The following ARMC2 variants were observed in gnomAD, a reference collection of about 807,000 sequenced individuals.
ARMC2 encodes armadillo repeat-containing protein 2.
A neutral mutation model predicts 90.3 loss-of-function variants in ARMC2; 67 were observed. The observed-to-expected ratio is 0.74, with a 90% CI of 0.61 to 0.91. The LOEUF (loss-of-function observed/expected upper bound fraction) is 0.91. Among genes scored for constraint, ARMC2 ranks in the 40% least tolerant of loss-of-function variants. The pLI is 0.00. For missense variants in ARMC2, 920 were observed against 1,030.9 expected (o/e 0.89, Z 1.47); for synonymous variants, 393 against 393.0 (o/e 1.00, Z 0.00).
chr6:108,957,087 G>A (rs752647122), intron 13 of ARMC2, among the ~76,000 whole-genome samples: 9 of 152,366 alleles, frequency 5.9e-5, no homozygotes, highest in Admixed American at 1.3e-4. Context: ...ATATGAGGTT[G>A]AGCAGAAGTG....
At chr6:108,902,778 T>C (rs534334430) in intron 7 of ARMC2, among the ~76,000 whole-genome samples, 25 of 152,318 alleles carry the variant, frequency 1.6e-4, no homozygotes, top group African/African-American at 5.8e-4. Context: ...TTAAATTTCA[T>C]GAAGGAATCT....
At chr6:108,849,893 T>G (rs970169538) in intron 1 of ARMC2, among the ~76,000 whole-genome samples, 1 of 152,248 alleles carries the variant, frequency 6.6e-6, no homozygotes, top group African/African-American at 2.4e-5. Flanking sequence ...TAGTCCAGCA[T>G]CTAAGCACTT....
chr6:108,895,556 G>GC (rs1771522710), intron 6 of ARMC2, among the ~76,000 whole-genome samples: 1 of 151,584 alleles, frequency 6.6e-6, no homozygotes, highest in Non-Finnish European at 1.5e-5. Flanking sequence ...CGTCCTTTGG[G>GC]CCTTTAAAGT....
chr6:108,957,367 C>T (rs538266215), intron 13 of ARMC2, among the ~76,000 whole-genome samples: 3 of 152,168 alleles, frequency 2.0e-5, no homozygotes, highest in South Asian at 2.1e-4. Context: ...TTGTCTGTGT[C>T]GGTGTGGAGT....
intron 1 of ARMC2, chr6:108,848,882 C>T (rs1773714475): frequency 1.3e-5 from 2 of 152,180 alleles, no homozygotes; most frequent in Admixed American, 6.5e-5. Flanking sequence ...TGTGTGTCCT[C>T]GGATGGGGTA....
chr6:108,920,396 T>C lies in ARMC2; in HGVS notation c.1351-7692T>C, dbSNP rs542870629. On this transcript the variant is annotated intron_variant, in intron 10 of 17. Transcript: ENST00000392644. ...GGGAAGGAGACAGCTATTTTCTACT[T>C]ATGGGGCTTCCTTCCTATAAAAGAA... Among the ~76,000 whole-genome samples, 241 of 152,226 alleles carry C rather than the reference T, an allele frequency of 1.6e-3. 1 individual carries two copies. The highest frequency in any genetic ancestry group is 5.5e-3 in the African/African-American group (229 of 41,526).
chr6:108,984,587 C>A, the ARMC2 span, among the ~76,000 whole-genome samples: 1 of 152,182 alleles, frequency 6.6e-6, no homozygotes, highest in African/African-American at 2.4e-5. Flanking sequence ...CATCAACATA[C>A]AAATGTAGGG....
intron 7 of ARMC2, among the ~76,000 whole-genome samples, chr6:108,903,501 A>G (rs1772364301): frequency 6.6e-6 from 1 of 152,152 alleles, no homozygotes; most frequent in Non-Finnish European, 1.5e-5. Context: ...CATTGTTCTC[A>G]TAGGAAAATA....
At chr6:108,991,082 C>CA in the ARMC2 span, among the ~76,000 whole-genome samples, 27 of 149,808 alleles carry the variant, frequency 1.8e-4, no homozygotes, top group South Asian at 6.3e-4. Context: ...AAAACAACAA[C>CA]AAAAAAAAAC....
At chr6:108,966,450 GT>G (rs1353316165) in intron 17 of ARMC2, among the ~76,000 whole-genome samples, 1 of 152,148 alleles carries the variant, frequency 6.6e-6, no homozygotes, top group African/African-American at 2.4e-5. Flanking sequence ...TCCTCAGAAG[GT>G]GGCTGACGTG....
At chr6:108,992,942 T>C in the ARMC2 span, 1 of 1,298,148 alleles carries the variant, frequency 7.7e-7, no homozygotes, top group Non-Finnish European at 1.1e-6. Context: ...AATAGGATGC[T>C]AGTTAAAATT....
rs530287357 is a variant in ARMC2, at chr6:108,854,186, G to A, written c.-43-39G>A. 7.1e-6 allele frequency: 8 copies of A among 1,130,316 alleles called. No individual in the cohort carries two copies. The South Asian group carries it at 9.9e-5, about 14-fold the overall frequency. 70.0% of individuals were successfully genotyped at this position (1,130,316 alleles called of 1,614,324 possible). A position where few individuals can be genotyped will look rare whatever the true frequency, so the allele number is the denominator to read the frequency against. The stretch of plus-strand genomic sequence containing the variant: ...AAGCATTCGTTTTTATAAAGTCCTG[G>A]ACAAAAATAATGATGGTTTTTGTAC... On this transcript the variant is annotated intron_variant, in intron 1 of 17. Coordinates refer to ENST00000392644, the MANE Select transcript of ARMC2 (RefSeq NM_032131.6).
chr6:108,876,359 T>C lies in ARMC2; in HGVS notation c.671+9T>C, dbSNP rs1403721359. 5.0e-6 allele frequency: 8 copies of C among 1,603,810 alleles called. No homozygotes were observed. Among genetic ancestry groups the C allele is most frequent in the Non-Finnish European group, 6.8e-6 (8 of 1,174,332 alleles). On this transcript the variant is annotated intron_variant, in intron 5 of 17. Transcript: ENST00000392644. ...CATCTCAAGAATGGAGGGTCAGTAT[T>C]CTTTTTATTTAATTTTCTGGTCAGG...
the ARMC2 span, chr6:108,998,962 T>G: frequency 4.9e-6 from 2 of 412,008 alleles, no homozygotes; most frequent in Non-Finnish European, 4.2e-6. Flanking sequence ...TGTTAAGACA[T>G]TCACTATTAT....
At chr6:108,929,074 A>G (rs774334896) in intron 11 of ARMC2, among the ~76,000 whole-genome samples, 3 of 152,092 alleles carry the variant, frequency 2.0e-5, no homozygotes, top group Non-Finnish European at 4.4e-5. Context: ...GGTCTCGACA[A>G]TCATGTTACC....
chr6:108,879,886 A>C (rs771602862), intron 5 of ARMC2: 5 of 466,260 alleles, frequency 1.1e-5, no homozygotes, highest in Non-Finnish European at 2.2e-5. Flanking sequence ...CTAATGTATA[A>C]AATGGAAATA....
At chr6:108,848,641 G>C (rs1225996474) in intron 1 of ARMC2, 95 bp downstream of exon 1, 1 of 152,494 alleles carries the variant, frequency 6.6e-6, no homozygotes, top group Non-Finnish European at 1.5e-5. Context: ...CTGGCCCTGC[G>C]GTCTGGCTGC....
At chr6:108,868,312 G>T (rs1776041327) in intron 3 of ARMC2, among the ~76,000 whole-genome samples, 1 of 152,094 alleles carries the variant, frequency 6.6e-6, no homozygotes, top group Admixed American at 6.5e-5. Flanking sequence ...CAACTCCTGG[G>T]TTCAAGCAAT....
chr6:108,909,198 C>T (rs532724777), intron 8 of ARMC2, among the ~76,000 whole-genome samples: 2 of 152,096 alleles, frequency 1.3e-5, no homozygotes, highest in Non-Finnish European at 2.9e-5. Context: ...TACATTTTTA[C>T]ACCTTTGTAA....
Sources: gnomAD v4.1 joint callset for allele counts (sites outside exome capture counted in the v4.1 genomes callset) on GRCh38, gnomAD v4.1.1 for gene constraint, MANE v1.5 for transcripts, NCBI Gene and HGNC (gene_info 2026-07-23, HGNC 2026-07-21) for gene names.